EPS15L1: variants seen among roughly 807,000 people sequenced by gnomAD.
EPS15L1 encodes the protein epidermal growth factor receptor substrate 15-like 1.
In EPS15L1, 43 loss-of-function variants were observed where a neutral mutation model predicts 117.1. The ratio of observed to expected loss-of-function variants is 0.37; its 90% CI spans 0.29 to 0.47. EPS15L1 has a LOEUF of 0.47. EPS15L1 is among the 20% of genes least tolerant of loss of function. The pLI is 0.99. For missense variants in EPS15L1, 981 were observed against 1,164.0 expected, an observed-to-expected ratio of 0.84 and a Z score of 2.29; for synonymous variants, 459 against 470.5, an observed-to-expected ratio of 0.98 and a Z score of 0.32.
chr19:16,396,574 A>AT (rs1194890250), intron 16 of EPS15L1, among the ~76,000 whole-genome samples: 5 of 152,126 alleles, frequency 3.3e-5, no homozygotes, highest in South Asian at 2.1e-4. Context: ...TATCTTTGCA[A>AT]TTTTTTCATA....
chr19:16,463,494 A>G (rs760861917), intron 1 of EPS15L1, among the ~76,000 whole-genome samples: 1 of 151,766 alleles, frequency 6.6e-6, no homozygotes, highest in Non-Finnish European at 1.5e-5. Context: ...AGCTCCAAGC[A>G]CTCCCTGTGT....
intron 1 of EPS15L1, among the ~76,000 whole-genome samples, chr19:16,469,356 C>T (rs2093328879): frequency 6.6e-6 from 1 of 152,016 alleles, no homozygotes; most frequent in Non-Finnish European, 1.5e-5. Context: ...CGAGGAGGAT[C>T]GGCTGCAGCC....
intron 1 of EPS15L1, among the ~76,000 whole-genome samples, chr19:16,456,812 G>A (rs1269377335): frequency 6.6e-6 from 1 of 152,158 alleles, no homozygotes; most frequent in East Asian, 1.9e-4. Flanking sequence ...CTTGGGGCCA[G>A]GTGTGCACCG....
chr19:16,417,091 G>A (rs1459466438), intron 12 of EPS15L1, among the ~76,000 whole-genome samples: 1 of 152,230 alleles, frequency 6.6e-6, no homozygotes, highest in Non-Finnish European at 1.5e-5. Flanking sequence ...GCTGATGCCT[G>A]GGGCTACTGA....
chr19:16,461,625 A>T (rs551486196), intron 1 of EPS15L1, among the ~76,000 whole-genome samples: 9 of 151,670 alleles, frequency 5.9e-5, no homozygotes, highest in Admixed American at 4.6e-4. Flanking sequence ...CTGTCTCAAA[A>T]AAAAGAAAGA....
intron 6 of EPS15L1, 94 bp downstream of exon 6, chr19:16,436,843 C>T: frequency 1.9e-6 from 2 of 1,045,362 alleles, no homozygotes; most frequent in South Asian, 2.9e-5. Context: ...TGAACAACAT[C>T]AAACTAGAAC....
chr19:16,422,961 GA>G (rs1309053656), intron 9 of EPS15L1, among the ~76,000 whole-genome samples: 10 of 123,980 alleles, frequency 8.1e-5, no homozygotes, highest in African/African-American at 1.2e-4. Flanking sequence ...CCGTCTCGGG[GA>G]AAAAAAAAGG....
At chr19:16,434,626 A>T in intron 6 of EPS15L1, 136 bp from the exon 7 acceptor site, 2 of 930,582 alleles carry the variant, frequency 2.1e-6, no homozygotes, top group Non-Finnish European at 3.3e-6. Context: ...AAATGATCTT[A>T]GAACAGTCTT....
At position 16,404,517 on chromosome 19, in the gene EPS15L1, G is replaced by C; in HGVS notation, c.1428+71C>G. ...TAAGTGTTGTGTTCCCAGGTAACAC[G>C]AGCTCAGGGGAGTCCTTGGGAAGCC... On this transcript the variant is annotated intron_variant, in intron 14 of 23. Transcript: ENST00000455140. The surrounding 1 kb of genome is among the most constrained non-coding windows in gnomAD (Gnocchi z 4.2). The C allele has an allele frequency of 6.5e-7, 1 of 1,538,520 alleles. No homozygotes were observed. Among genetic ancestry groups the C allele is most frequent in the Non-Finnish European group, 8.9e-7 (1 of 1,122,314 alleles).
At chr19:16,358,713 G>A (rs763020731) in intron 23 of EPS15L1, among the ~76,000 whole-genome samples, 7 of 152,216 alleles carry the variant, frequency 4.6e-5, no homozygotes, top group Non-Finnish European at 7.3e-5. Flanking sequence ...CCTCACTGGC[G>A]CTCCAAGGTG....
At chr19:16,382,185 G>A (rs1208524687) in intron 21 of EPS15L1, among the ~76,000 whole-genome samples, 1 of 152,166 alleles carries the variant, frequency 6.6e-6, no homozygotes, top group Non-Finnish European at 1.5e-5. Flanking sequence ...CTCGCGAGGC[G>A]ACAGGCTTTC....
chr19:16,392,200 G>T, intron 19 of EPS15L1, 104 bp downstream of exon 19: 1 of 1,306,218 alleles, frequency 7.7e-7, no homozygotes, highest in Non-Finnish European at 1.1e-6. Context: ...ACACTCGCAG[G>T]CACCATGTAC....
chr19:16,384,945 C>T (rs1445707818), intron 21 of EPS15L1, among the ~76,000 whole-genome samples, 184 bp downstream of exon 21: 1 of 152,208 alleles, frequency 6.6e-6, no homozygotes, highest in Non-Finnish European at 1.5e-5. Flanking sequence ...AGGGTCAGGG[C>T]TCACCCCACG....
intron 1 of EPS15L1, among the ~76,000 whole-genome samples, chr19:16,464,339 C>T (rs1162218279): frequency 6.6e-6 from 1 of 152,204 alleles, no homozygotes; most frequent in Non-Finnish European, 1.5e-5. Context: ...TTCAGGGCCA[C>T]CACTCTGACC....
Position 16,437,873 on chromosome 19 carries a change from T to A in EPS15L1, c.214-8A>T. 1.2e-6 allele frequency: 2 copies of A among 1,611,636 alleles called. No homozygotes were observed. The highest frequency in any genetic ancestry group is 8.5e-7 in the Non-Finnish European group (1 of 1,177,982). On this transcript the variant is annotated splice_polypyrimidine_tract_variant and splice_region_variant and intron_variant, in intron 4 of 23. Coordinates refer to ENST00000455140, the MANE Select transcript of EPS15L1 (RefSeq NM_001258374.3). ...CAGTGCAACATAGAAACCCTGCAAG[T>A]CCAAAGAAAGGGAAGGAGTAAACAG...
In EPS15L1 at chr19:16,471,141, AAC is replaced by A. The variant is rs1470427685; in HGVS notation, c.33+770_33+771del. Among the ~76,000 whole-genome samples the A allele has an allele frequency of 6.6e-6, 1 of 152,210 alleles. No homozygotes were observed. On this transcript the variant is annotated intron_variant, in intron 1 of 23. Transcript: ENST00000455140. The surrounding 1 kb of genome is among the most constrained non-coding windows in gnomAD (Gnocchi z 4.8). ...AAATAAAGGCAGCTGTGATTAGCAT[AAC>A]ACAGGTAGTTTCTAGTTCCCACGAG...
chr19:16,415,593 A>G (rs995866484), intron 12 of EPS15L1, among the ~76,000 whole-genome samples: 1 of 152,236 alleles, frequency 6.6e-6, no homozygotes, highest in Non-Finnish European at 1.5e-5. Context: ...GGCTTATGGC[A>G]GTGTGAAATC....
intron 1 of EPS15L1, among the ~76,000 whole-genome samples, chr19:16,459,829 A>G (rs1474075025): frequency 6.6e-6 from 1 of 152,190 alleles, no homozygotes; most frequent in Non-Finnish European, 1.5e-5. Flanking sequence ...CGTGAGTTGC[A>G]GGTGTAAAAT....
At chr19:16,397,845 ACT>A (rs1337286069) in intron 16 of EPS15L1, among the ~76,000 whole-genome samples, 1 of 151,934 alleles carries the variant, frequency 6.6e-6, no homozygotes, top group Admixed American at 6.6e-5. Flanking sequence ...TTAAATAAGG[ACT>A]CTGTTTTAGT....
Sources: allele counts gnomAD v4.1 joint callset (sites outside exome capture counted in the v4.1 genomes callset), GRCh38; gene constraint gnomAD v4.1.1; non-coding constraint Gnocchi (gnomAD v3.1); transcripts MANE v1.5; gene names NCBI Gene and HGNC (gene_info 2026-07-23, HGNC 2026-07-21).